FXYD1: variants seen among roughly 807,000 people sequenced by gnomAD.
FXYD1 encodes phospholemman.
FXYD1 carries 9 observed loss-of-function variants against 17.2 expected under a neutral mutation model. That is an observed-to-expected ratio of 0.52 (90% CI 0.32 to 0.91). The LOEUF is 0.91. Ranked by LOEUF, FXYD1 falls within the 40% of genes least tolerant of loss-of-function variation. FXYD1 has a pLI of 0.04. For synonymous variants in FXYD1, 55 were observed against 45.8 expected, an observed-to-expected ratio of 1.20 and a Z score of -0.81; for missense variants, 113 against 120.6, an observed-to-expected ratio of 0.94 and a Z score of 0.29.
chr19:35,141,639 G>T (rs2065257601), intron 5 of FXYD1, 67 bp downstream of exon 5: 2 of 1,294,762 alleles, frequency 1.5e-6, no homozygotes, highest in Non-Finnish European at 2.2e-6. Context: ...GTGAGGCGGG[G>T]AGTACCCCTG....
intron 6 of FXYD1, 25 bp downstream of exon 6, chr19:35,142,546 T>C (rs770455512): frequency 6.2e-7 from 1 of 1,608,870 alleles, no homozygotes; most frequent in Admixed American, 1.7e-5. Flanking sequence ...ACTGCGGGTA[T>C]TCTGGGGAGA....
At position 35,141,585 on chromosome 19, in the gene FXYD1, T is replaced by A. The variant is rs1312946275; in HGVS notation, c.206+13T>A. On this transcript the variant is annotated intron_variant, in intron 5 of 7. Coordinates refer to ENST00000351325, the MANE Select transcript of FXYD1 (RefSeq NM_021902.4). ...ACCAGCAGCAGAGGTAAGACGCCCC[T>A]CCCCGCCCTCCTTCGCCCGCTCCTG... 1.9e-6 allele frequency: 3 copies of A among 1,604,716 alleles called. No individual in the cohort carries two copies. The highest frequency in any genetic ancestry group is 2.6e-6 in the Non-Finnish European group (3 of 1,174,858).
At chr19:35,138,235 C>T (rs1419163144), upstream of FXYD1, 3 of 152,298 alleles carry the variant, frequency 2.0e-5, no homozygotes, top group African/African-American at 7.2e-5. Context: ...CTGTGTGTGT[C>T]TGCTTCTATG....
chr19:35,141,680 G>A (rs2065258276), intron 5 of FXYD1, 108 bp downstream of exon 5: 1 of 893,160 alleles, frequency 1.1e-6, no homozygotes, highest in African/African-American at 1.7e-5. Context: ...CAGCGACTAT[G>A]TATTAAGCAC....
At chr19:35,137,336 T>C (rs1476525339), upstream of FXYD1, among the ~76,000 whole-genome samples, 23 of 152,150 alleles carry the variant, frequency 1.5e-4, no homozygotes, top group Admixed American at 1.5e-3. Context: ...AAGTGTGGGG[T>C]TAAATACATA....
intron 2 of FXYD1, 70 bp downstream of exon 2, chr19:35,140,210 G>C: frequency 1.1e-6 from 1 of 908,416 alleles, no homozygotes; most frequent in Non-Finnish European, 1.8e-6. Context: ...GAAGAACCAA[G>C]TTGGAGACCC....
intron 1 of FXYD1, chr19:35,139,100 G>A (rs1289540934): frequency 6.6e-6 from 1 of 152,370 alleles, no homozygotes; most frequent in Non-Finnish European, 1.5e-5. Flanking sequence ...GGCAGGGTGT[G>A]GAGTTGGGAC....
At chr19:35,141,765 T>TCCC (rs879187303) in intron 5 of FXYD1, among the ~76,000 whole-genome samples, 193 bp downstream of exon 5, 1 of 152,152 alleles carries the variant, frequency 6.6e-6, no homozygotes, top group Non-Finnish European at 1.5e-5. Context: ...CTGGCCGAGC[T>TCCC]CCCAGCCTAG....
intron 5 of FXYD1, among the ~76,000 whole-genome samples, chr19:35,141,959 C>CAATG (rs2065260855): frequency 6.6e-6 from 1 of 152,198 alleles, no homozygotes; most frequent in Non-Finnish European, 1.5e-5. Flanking sequence ...AAAGCATGGA[C>CAATG]AATGTATGAA....
intron 6 of FXYD1, 74 bp from the exon 7 acceptor site, chr19:35,142,646 C>T (rs893373962): frequency 3.2e-6 from 5 of 1,559,248 alleles, no homozygotes; most frequent in Middle Eastern, 1.7e-4. Context: ...GGAGTTGCCC[C>T]GCCGCGGGCC....
chr19:35,140,657 T>C (rs377597135), intron 3 of FXYD1, 28 bp downstream of exon 3: 67 of 1,606,834 alleles, frequency 4.2e-5, no homozygotes, highest in Admixed American at 2.7e-4. Flanking sequence ...TTTTGAGTCC[T>C]GGGGGAGAGC....
At chr19:35,141,596 C>T (rs1200994055) in intron 5 of FXYD1, 24 bp downstream of exon 5, 1 of 1,599,246 alleles carries the variant, frequency 6.3e-7, no homozygotes. Context: ...CCCCGCCCTC[C>T]TTCGCCCGCT....
In FXYD1 at chr19:35,141,520, C is replaced by G; in HGVS notation, c.170-16C>G. On this transcript the variant is annotated splice_polypyrimidine_tract_variant and intron_variant, in intron 4 of 7. Coordinates refer to ENST00000351325, the MANE Select transcript of FXYD1 (RefSeq NM_021902.4). ...GGGAGGGAGCCTCAGCTTCTCCTAC[C>G]TCTCCACGCCCACAGGCAGAAGATG... is the stretch of plus-strand genomic sequence containing the variant. The G allele has an allele frequency of 6.2e-7, 1 of 1,607,164 alleles. No homozygotes were observed.
intron 2 of FXYD1, 54 bp downstream of exon 2, chr19:35,140,194 G>A: frequency 9.3e-7 from 1 of 1,079,748 alleles, no homozygotes; most frequent in East Asian, 2.4e-5. Flanking sequence ...GGTGGCGGTG[G>A]GGACCGAAGA....
chr19:35,140,692 C>G, intron 3 of FXYD1, 63 bp downstream of exon 3: 5 of 1,375,228 alleles, frequency 3.6e-6, no homozygotes, highest in Non-Finnish European at 5.2e-6. Flanking sequence ...CCTTTGATTC[C>G]CCCTCGCCCT....
In FXYD1 at chr19:35,141,423, G is replaced by T. The variant is rs553758736; in HGVS notation, c.170-113G>T. On this transcript the variant is annotated intron_variant, in intron 4 of 7. Transcript: ENST00000351325. ...TCCCCGGCCCCCGGTCTCGCCTCTAGCCCCGCCCCGTCCCCCAAGCCCCGC... is the reference window on the plus strand; with the variant it reads ...TCCCCGGCCCCCGGTCTCGCCTCTATCCCCGCCCCGTCCCCCAAGCCCCGC... 1,562 of 860,844 alleles carry T rather than the reference G, an allele frequency of 1.8e-3. 6 individuals are homozygous for T. The highest frequency in any genetic ancestry group is 0.015 in the African/African-American group (874 of 56,886). The allele number at this position is 860,844 out of a possible 1,614,324, so 53.3% of individuals were successfully genotyped here.
chr19:35,138,753 G>A (rs1332650580), upstream of FXYD1: 1 of 152,214 alleles, frequency 6.6e-6, no homozygotes. Flanking sequence ...GGTTGGGGAG[G>A]GCATGGGTGG....
At chr19:35,141,609 T>A in intron 5 of FXYD1, 37 bp downstream of exon 5, 1 of 1,576,676 alleles carries the variant, frequency 6.3e-7, no homozygotes, top group Non-Finnish European at 8.7e-7. Flanking sequence ...CGCCCGCTCC[T>A]GCTCTGGAGG....
At chr19:35,138,291 C>T (rs959836509), upstream of FXYD1, 1 of 152,232 alleles carries the variant, frequency 6.6e-6, no homozygotes, top group Non-Finnish European at 1.5e-5. Flanking sequence ...ACCTGTATAT[C>T]TGGGTCTTTG....
Sources: allele counts gnomAD v4.1 joint callset (sites outside exome capture counted in the v4.1 genomes callset), GRCh38; gene constraint gnomAD v4.1.1; transcripts MANE v1.5; gene names NCBI Gene and HGNC (gene_info 2026-07-23, HGNC 2026-07-21).